PNKP: variants seen among roughly 807,000 people sequenced by gnomAD.
PNKP encodes bifunctional polynucleotide phosphatase/kinase.
In PNKP, 82 loss-of-function variants were observed where a neutral mutation model predicts 66.2. That is an observed-to-expected ratio of 1.24 (90% CI 1.04 to 1.49). The LOEUF is 1.49. Ranked by LOEUF, PNKP falls within the 40% of genes most tolerant of loss-of-function variation. The probability of loss-of-function intolerance (pLI) is 0.00; values close to 1 mark genes in which losing one functional copy is unlikely to be tolerated. For synonymous variants in PNKP, 412 were observed against 298.9 expected, an observed-to-expected ratio of 1.38 and a Z score of -3.90; for missense variants, 907 against 706.8, an observed-to-expected ratio of 1.28 and a Z score of -3.21.
chr19:49,865,529 G>T (rs768563053), intron 3 of PNKP, 103 bp from the exon 4 acceptor site: 2 of 732,232 alleles, frequency 2.7e-6, no homozygotes, highest in Non-Finnish European at 2.4e-6. Context: ...ACCACTATCA[G>T]ACCCTTAGGC....
rs190908648 is a variant in PNKP, at chr19:49,864,513, T to C, written c.499-110A>G. The C allele has an allele frequency of 1.2e-3, 979 of 841,518 alleles. 2 individuals are homozygous for C. Among genetic ancestry groups the C allele is most frequent in the Non-Finnish European group, 1.6e-3 (783 of 488,148 alleles). The allele number at this position is 841,518 out of a possible 1,614,324, so 52.1% of individuals were successfully genotyped here. On this transcript the variant is annotated intron_variant, in intron 4 of 16. Transcript: ENST00000322344. ...CAGGCAGGGTGTTATCACTGCCATC[T>C]CACAGATGGGGAAACCGAGTCACAG...
rs139540159 is a variant in PNKP at position 49,862,216 on chromosome 19, C to A, written c.1095G>T (p.Pro365=). Residue 365 remains proline, a synonymous_variant, in exon 12 of 17, where the codon CCG becomes CCT. Coordinates refer to ENST00000322344, the MANE Select transcript of PNKP (RefSeq NM_007254.4). The part of the protein sequence containing the change: ...PESRALLSAS[P]EVVVAVGFPG... The stretch of plus-strand genomic sequence containing the variant: ...GGAATCCCACTGCGACAACCACCTC[C>A]GGGCTGGCGCTCAGGAGGGCCCTGG... 1 of 1,613,080 alleles carries A rather than the reference C, an allele frequency of 6.2e-7. No individual in the cohort carries two copies. Among genetic ancestry groups the A allele is most frequent in the Non-Finnish European group, 8.5e-7 (1 of 1,179,624 alleles).
intron 3 of PNKP, chr19:49,866,070 T>C (rs2074817524): frequency 2.4e-6 from 1 of 412,474 alleles, no homozygotes; most frequent in Non-Finnish European, 4.6e-6. Flanking sequence ...TGAAGTACAG[T>C]GTGGTGATCA....
chr19:49,866,294 C>A (rs2074819780), intron 3 of PNKP, 105 bp downstream of exon 3: 1 of 1,096,842 alleles, frequency 9.1e-7, no homozygotes, highest in African/African-American at 1.5e-5. Flanking sequence ...GCCACCACGC[C>A]CGGCCCCAAT....
At chr19:49,863,508 T>A (rs1200074381) in intron 8 of PNKP, among the ~76,000 whole-genome samples, 181 bp downstream of exon 8, 2 of 152,300 alleles carry the variant, frequency 1.3e-5, no homozygotes, top group East Asian at 3.9e-4. Flanking sequence ...ACTACTCTGA[T>A]GTAGAAAGTC....
rs979727253 is a variant in PNKP at position 49,861,262 on chromosome 19, A to G, written c.1552T>C (p.Phe518Leu). 1 of 1,606,206 alleles carries G rather than the reference A, an allele frequency of 6.2e-7. No homozygotes were observed. The highest frequency in any genetic ancestry group is 1.3e-5 in the African/African-American group (1 of 74,872). ...EPRLGRLYCQ[F>L]SEG ...CTGGGCGGGGCTCAGCCCTCGGAGA[A>G]CTGGCAGTACAGCCGCCCCAGCCTC... Residue 518 changes from phenylalanine to leucine, a missense_variant, in exon 17 of 17, where the codon TTC becomes CTC. By Grantham distance (22) the Phe-to-Leu change is conservative. Transcript: ENST00000322344.
rs727504101 is a variant in PNKP, at chr19:49,862,186, C to A, written c.1125G>T (p.Gly375=). Residue 375 remains glycine (G), a splice_region_variant and synonymous_variant, in exon 12 of 17, where the codon GGG becomes GGT. Transcript: ENST00000322344. ...CGCGCACAGGAACAGGACACTTACC[C>A]CCAGGGAATCCCACTGCGACAACCA... The part of the protein sequence containing the change: ...PEVVVAVGFP[G]AGKSTFLKKH... 5.6e-6 allele frequency: 9 copies of A among 1,613,770 alleles called. No homozygotes were observed. Among genetic ancestry groups the A allele is most frequent in the Non-Finnish European group, 7.6e-6 (9 of 1,179,806 alleles).
chr19:49,862,148 G>A (rs1441748196), intron 12 of PNKP, 37 bp downstream of exon 12: 4 of 1,613,630 alleles, frequency 2.5e-6, no homozygotes, highest in African/African-American at 2.7e-5. Context: ...GGACCCAGGC[G>A]GGGCTCAGGG....
chr19:49,864,054 G>T lies in PNKP; in HGVS notation c.654C>A (p.Asn218Lys). 1.2e-6 allele frequency: 2 copies of T among 1,613,904 alleles called. No homozygotes were observed. Among genetic ancestry groups the T allele is most frequent in the Middle Eastern group, 1.6e-4 (1 of 6,062 alleles). The change falls in exon 7 of 17, where the codon AAC (asparagine) becomes AAA (lysine). Residue 218 changes from asparagine (N) to lysine (K), a missense_variant. By Grantham distance (94) the Asn-to-Lys change is moderately conservative. Transcript: ENST00000322344. ...AEGYKLVIFT[N>K]QMSIGRGKLP... The stretch of plus-strand genomic sequence containing the variant: ...GCTTCCCGCGCCCGATGCTCATCTG[G>T]TTGGTGAAGATCACCAGCTGGGGAG...
At position 49,861,430 on chromosome 19, in the gene PNKP, C is replaced by T. The variant is rs777411525; in HGVS notation, c.1448+19G>A. 21 of 1,614,122 alleles carry T rather than the reference C, an allele frequency of 1.3e-5. No individual in the cohort carries two copies. Among genetic ancestry groups the T allele is most frequent in the Non-Finnish European group, 1.7e-5 (20 of 1,179,958 alleles). On this transcript the variant is annotated intron_variant, in intron 16 of 16. Coordinates refer to ENST00000322344, the MANE Select transcript of PNKP (RefSeq NM_007254.4). ...GTGGCCCAGCCAGTGCCCCTGCCCC[C>T]TGCTATCCCCAACAGTACCTGTAGC...
chr19:49,862,689 C>T lies in PNKP; in HGVS notation c.865+1G>A, dbSNP rs762003634. The stretch of plus-strand genomic sequence containing the variant: ...ACCCTCAGCAGCCTCCAGGCCCTTA[C>T]CTCCCACAAAGATGCTGTCCCCGAT... On this transcript the variant is annotated splice_donor_variant, in intron 9 of 16. Transcript: ENST00000322344. LOFTEE classifies it high-confidence loss of function. The T allele has an allele frequency of 1.5e-5, 25 of 1,613,982 alleles. No homozygotes were observed. The South Asian group carries it at 1.6e-4, about 11-fold the overall frequency.
rs371723448 is a variant in PNKP at position 49,862,652 on chromosome 19, G to A, written c.865+38C>T. ...CCCGTTCCCACCAGCTCGGAGGGAGGCGTCCCAGCCCACCCTCAGCAGCCT... is the reference window on the plus strand; with the variant it reads ...CCCGTTCCCACCAGCTCGGAGGGAGACGTCCCAGCCCACCCTCAGCAGCCT... On this transcript the variant is annotated intron_variant, in intron 9 of 16. Transcript: ENST00000322344. The A allele has an allele frequency of 1.7e-5, 28 of 1,613,658 alleles. No homozygotes were observed. The African/African-American group carries it at 2.9e-4, about 17-fold the overall frequency.
In PNKP at chr19:49,861,680, G is replaced by T; in HGVS notation, c.1314C>A (p.Ala438=). 1 of 1,547,650 alleles carries T rather than the reference G, an allele frequency of 6.5e-7. No homozygotes were observed. Among genetic ancestry groups the T allele is most frequent in the Non-Finnish European group, 8.7e-7 (1 of 1,146,308 alleles). ...AGCGGCAGGGGACGCCCGCGGCTCG[G>T]GCACACTGGACGTACCTGTGGGGGA... is the stretch of plus-strand genomic sequence containing the variant. ...AASRARYVQC[A]RAAGVPCRCF... Residue 438 remains alanine, a synonymous_variant, in exon 15 of 17, where the codon GCC becomes GCA. Coordinates refer to ENST00000322344, the MANE Select transcript of PNKP (RefSeq NM_007254.4).
intron 7 of PNKP, 41 bp downstream of exon 7, chr19:49,863,923 C>G (rs1156652591): frequency 1.3e-6 from 2 of 1,522,482 alleles, no homozygotes; most frequent in Admixed American, 1.7e-5. Flanking sequence ...CTCTGGATCT[C>G]TGTGCCCCCA....
chr19:49,867,232 A>C lies in PNKP; in HGVS notation c.-13-15T>G. ...TGGGTGCCGGCCTGGGGAGCAGGTA[A>C]ACGGGCTTGAGCGGCGCACAGCCCC... is the stretch of plus-strand genomic sequence containing the variant. On this transcript the variant is annotated splice_polypyrimidine_tract_variant and intron_variant, in intron 1 of 16. Coordinates refer to ENST00000322344, the MANE Select transcript of PNKP (RefSeq NM_007254.4). The C allele has an allele frequency of 6.3e-7, 1 of 1,598,716 alleles. No homozygotes were observed. The highest frequency in any genetic ancestry group is 8.5e-7 in the Non-Finnish European group (1 of 1,173,178).
intron 13 of PNKP, 66 bp from the exon 14 acceptor site, chr19:49,861,947 C>CG: frequency 6.3e-7 from 1 of 1,580,748 alleles, no homozygotes. Context: ...CGAGCGGGGA[C>CG]GGGGAGGCAA....
Position 49,862,368 on chromosome 19 carries a change from C to T in PNKP, c.1029+3G>A, listed in dbSNP as rs1304920403. On this transcript the variant is annotated splice_donor_region_variant and intron_variant, in intron 11 of 16. Transcript: ENST00000322344. ...CACCCCCACCCCCGCCCCAGGGCCT[C>T]ACCGGATCAAAGGCTGGGAGCTCGA... 6.7e-7 allele frequency: 1 copy of T among 1,501,546 alleles called. No individual in the cohort carries two copies. Among genetic ancestry groups the T allele is most frequent in the South Asian group, 1.2e-5 (1 of 82,986 alleles). The allele number at this position is 1,501,546 out of a possible 1,614,324, so 93.0% of individuals were successfully genotyped here. A position where few individuals can be genotyped will look rare whatever the true frequency, so the allele number is the denominator to read the frequency against.
In PNKP at chr19:49,861,219, G is replaced by GTTTA; in HGVS notation, c.*25_*28dup. 1 of 1,453,116 alleles carries GTTTA rather than the reference G, an allele frequency of 6.9e-7. No individual in the cohort carries two copies. The highest frequency in any genetic ancestry group is 1.1e-5 in the South Asian group (1 of 87,868). 90.0% of individuals were successfully genotyped at this position (1,453,116 alleles called of 1,614,324 possible). On this transcript the variant is annotated 3_prime_UTR_variant, in exon 17 of 17. Coordinates refer to ENST00000322344, the MANE Select transcript of PNKP (RefSeq NM_007254.4). ...CCGGCCAAGCTCAAGGAGAAACAGC[G>GTTTA]TTTATTGTGGAGGGGAGCTGGGCGG...
intron 7 of PNKP, 36 bp downstream of exon 7, chr19:49,863,928 C>A: frequency 6.6e-7 from 1 of 1,526,558 alleles, no homozygotes. Context: ...GATCTCTGTG[C>A]CCCCACATAG....
Sources: allele counts gnomAD v4.1 joint callset (sites outside exome capture counted in the v4.1 genomes callset), GRCh38; gene constraint gnomAD v4.1.1; transcripts MANE v1.5; gene names NCBI Gene and HGNC (gene_info 2026-07-23, HGNC 2026-07-21).